The following COL26A1 variants were observed in gnomAD, a reference collection of about 807,000 sequenced individuals.
COL26A1 encodes the protein collagen type XXVI alpha 1 chain, also known as collagen alpha-1(XXVI) chain.
COL26A1 carries 41 observed loss-of-function variants against 59.3 expected under a neutral mutation model. The ratio of observed to expected loss-of-function variants is 0.69; its 90% confidence interval spans 0.54 to 0.90. The LOEUF is 0.90. COL26A1 is among the 40% of genes least tolerant of loss of function. The pLI is 0.00. For missense variants in COL26A1, 612 were observed against 602.3 expected, an observed-to-expected ratio of 1.02 and a Z score of -0.17; for synonymous variants, 266 against 256.0, an observed-to-expected ratio of 1.04 and a Z score of -0.37.
chr7:101,503,510 G>T (rs80333452), intron 3 of COL26A1, among the ~76,000 whole-genome samples: 25 of 152,226 alleles, frequency 1.6e-4, no homozygotes, highest in African/African-American at 5.5e-4. Context: ...AGCCTCCCAG[G>T]TAGCTGAGAC....
chr7:101,439,762 C>A (rs1415462285), intron 2 of COL26A1, among the ~76,000 whole-genome samples: 2 of 151,810 alleles, frequency 1.3e-5, no homozygotes, highest in Non-Finnish European at 2.9e-5. Context: ...GCATCAGAGG[C>A]CAATCTTGTT....
chr7:101,510,100 C>T (rs1794893142), intron 3 of COL26A1, among the ~76,000 whole-genome samples: 1 of 149,734 alleles, frequency 6.7e-6, no homozygotes, highest in Non-Finnish European at 1.5e-5. Context: ...TGGCTTACTG[C>T]AGCCTCCAAT....
intron 1 of COL26A1, among the ~76,000 whole-genome samples, chr7:101,399,487 C>A (rs1156471350): frequency 6.6e-6 from 1 of 152,092 alleles, no homozygotes; most frequent in East Asian, 1.9e-4. Flanking sequence ...CCACACCTGG[C>A]TAATTTTTGT....
At chr7:101,469,572 C>G (rs1230485510) in intron 3 of COL26A1, among the ~76,000 whole-genome samples, 1 of 151,690 alleles carries the variant, frequency 6.6e-6, no homozygotes, top group East Asian at 1.9e-4. Context: ...TCACTGCAAT[C>G]TCCGCTTCCT....
At chr7:101,363,458 T>C (rs62639087) in intron 1 of COL26A1, among the ~76,000 whole-genome samples, 65,793 of 111,096 alleles carry the variant, frequency 0.59, 19,761 homozygotes, top group African/African-American at 0.8. Flanking sequence ...TGGGACGAAA[T>C]GGCGGTGGCT....
chr7:101,429,717 C>T (rs1398473114), intron 2 of COL26A1, among the ~76,000 whole-genome samples: 5 of 150,722 alleles, frequency 3.3e-5, no homozygotes, highest in East Asian at 3.9e-4. Context: ...CTCAGCCTCC[C>T]GAGTAGCTGA....
chr7:101,464,558 C>A (rs182250951), intron 3 of COL26A1, among the ~76,000 whole-genome samples: 2,897 of 151,416 alleles, frequency 0.019, 99 homozygotes, highest in African/African-American at 0.066. Context: ...ATTACAGGCT[C>A]CTGCCACCAC....
At chr7:101,395,995 C>T (rs563910505) in intron 1 of COL26A1, among the ~76,000 whole-genome samples, 4 of 152,202 alleles carry the variant, frequency 2.6e-5, no homozygotes, top group East Asian at 1.9e-4. Context: ...TGGTGGCTCA[C>T]GCCTGTAATC....
chr7:101,522,582 G>A (rs1795160107), intron 3 of COL26A1, among the ~76,000 whole-genome samples: 1 of 152,072 alleles, frequency 6.6e-6, no homozygotes, highest in African/African-American at 2.4e-5. Flanking sequence ...GGAGTAACAG[G>A]GACTTAAGAC....
At chr7:101,451,348 CAATG>C (rs1025048050) in intron 3 of COL26A1, among the ~76,000 whole-genome samples, 2 of 145,062 alleles carry the variant, frequency 1.4e-5, no homozygotes, top group African/African-American at 5.0e-5. Flanking sequence ...TCTATTTAAA[CAATG>C]TATGTATTAT....
intron 1 of COL26A1, among the ~76,000 whole-genome samples, chr7:101,401,679 T>A (rs55679126): frequency 0.8 from 114,300 of 143,420 alleles, 45,810 homozygotes; most frequent in Middle Eastern, 0.92. Flanking sequence ...GAAGAAGATG[T>A]TGGAGGCTGA....
intron 1 of COL26A1, among the ~76,000 whole-genome samples, chr7:101,419,716 G>A (rs572867180): frequency 9.8e-5 from 15 of 152,308 alleles, no homozygotes; most frequent in African/African-American, 3.1e-4. Context: ...AGATTTCCAC[G>A]GGCAGGGCTG....
chr7:101,391,250 TA>T (rs1365297158), intron 1 of COL26A1, among the ~76,000 whole-genome samples: 2 of 152,172 alleles, frequency 1.3e-5, no homozygotes, highest in African/African-American at 2.4e-5. Flanking sequence ...TGGGAGCATA[TA>T]GGGGGGTGTG....
intron 3 of COL26A1, among the ~76,000 whole-genome samples, chr7:101,485,158 C>A (rs527942205): frequency 5.3e-5 from 8 of 152,082 alleles, no homozygotes; most frequent in Non-Finnish European, 1.0e-4. Context: ...GGCCTCACAT[C>A]ATATATTTCT....
intron 3 of COL26A1, among the ~76,000 whole-genome samples, chr7:101,511,970 C>T (rs1435380889): frequency 1.3e-5 from 2 of 152,118 alleles, no homozygotes; most frequent in African/African-American, 4.8e-5. Context: ...GCACTCCAGC[C>T]TGGGCAACAG....
chr7:101,550,469 A>AAATT (rs754228423), intron 9 of COL26A1, among the ~76,000 whole-genome samples: 56 of 152,304 alleles, frequency 3.7e-4, no homozygotes, highest in Non-Finnish European at 6.0e-4. Flanking sequence ...TCATTAAAAA[A>AAATT]AATTAATTAA....
At chr7:101,507,994 T>C (rs2130577252) in intron 3 of COL26A1, among the ~76,000 whole-genome samples, 1 of 152,290 alleles carries the variant, frequency 6.6e-6, no homozygotes, top group African/African-American at 2.4e-5. Context: ...AGGACCATGA[T>C]ATGATGGCGC....
rs1793887999 is a variant in COL26A1 at position 101,471,077 on chromosome 7, G to A, written c.385+23290G>A. 5.3e-5 allele frequency among the ~76,000 whole-genome samples: 8 copies of A among 152,282 alleles called. No individual in the cohort carries two copies. The South Asian group carries it at 1.7e-3, about 32-fold the overall frequency. On this transcript the variant is annotated intron_variant, in intron 3 of 12. Coordinates refer to ENST00000313669, the MANE Select transcript of COL26A1 (RefSeq NM_001278563.3). ...TATATTTTATTATACCACAGACACA[G>A]AGGCCTTTGGAGCTGAGGCTGGATG...
intron 3 of COL26A1, among the ~76,000 whole-genome samples, chr7:101,476,233 G>C (rs1794043508): frequency 6.6e-6 from 1 of 151,724 alleles, no homozygotes. Context: ...CCTGACCTCA[G>C]GTGATCTGCC....
Sources: allele counts gnomAD v4.1 joint callset (sites outside exome capture counted in the v4.1 genomes callset), GRCh38; gene constraint gnomAD v4.1.1; transcripts MANE v1.5; gene names NCBI Gene and HGNC (gene_info 2026-07-23, HGNC 2026-07-21).